Variants in LNPEP observed in about 807,000 individuals in gnomAD.
The protein encoded by LNPEP is leucyl-cystinyl aminopeptidase.
In LNPEP, 64 loss-of-function variants were observed where a neutral mutation model predicts 120.6. That is an observed-to-expected ratio of 0.53 (90% CI 0.43 to 0.65). The LOEUF is 0.65. Among genes scored for constraint, LNPEP ranks in the 30% least tolerant of loss-of-function variants. LNPEP has a pLI of 0.00. For synonymous variants in LNPEP, 435 were observed against 425.4 expected (o/e 1.02, Z -0.28); for missense variants, 1,057 against 1,200.0 (o/e 0.88, Z 1.76).
chr5:96,986,398 T>G (rs1057022189), intron 3 of LNPEP, 141 bp from the exon 4 acceptor site: 2 of 761,576 alleles, frequency 2.6e-6, no homozygotes, highest in East Asian at 5.4e-5. Context: ...CCATGCTCTT[T>G]GCAGAAATTC....
At chr5:97,008,337 G>GTTTT (rs781727347) in intron 11 of LNPEP, among the ~76,000 whole-genome samples, 40 of 59,842 alleles carry the variant, frequency 6.7e-4, no homozygotes, top group African/African-American at 9.7e-4. Flanking sequence ...GTTTTTTCTT[G>GTTTT]TTTTTTTTTT....
chr5:96,999,909 C>T (rs938337423), intron 8 of LNPEP, among the ~76,000 whole-genome samples: 1 of 151,688 alleles, frequency 6.6e-6, no homozygotes, highest in Non-Finnish European at 1.5e-5. Flanking sequence ...CAGACATATT[C>T]TGTTTGGTCT....
In LNPEP at chr5:97,029,134, TC is replaced by T. The variant is rs1791421380; in HGVS notation, c.*603del. 1 of 152,414 alleles carries T rather than the reference TC, an allele frequency of 6.6e-6. No individual in the cohort carries two copies. The highest frequency in any genetic ancestry group is 2.4e-5 in the African/African-American group (1 of 41,478). The allele number at this position is 152,414 out of a possible 1,614,324, so 9.4% of individuals were successfully genotyped here. ...AATGTCTGTAACTATTGTGTTTTTT[TC>T]CTGCCGAATAGCCAGGTGCTACAGA... On this transcript the variant is annotated 3_prime_UTR_variant, in exon 18 of 18. Transcript: ENST00000231368.
At chr5:96,943,736 C>G (rs1789116408) in intron 1 of LNPEP, among the ~76,000 whole-genome samples, 1 of 152,192 alleles carries the variant, frequency 6.6e-6, no homozygotes, top group African/African-American at 2.4e-5. Context: ...AAGGAAAATT[C>G]AAGCTTCCAA....
intron 1 of LNPEP, among the ~76,000 whole-genome samples, chr5:96,952,640 A>G (rs138151177): frequency 2.0e-5 from 3 of 152,286 alleles, no homozygotes; most frequent in Non-Finnish European, 2.9e-5. Context: ...ACCGTCATTT[A>G]TTTCAGCCCT....
intron 1 of LNPEP, among the ~76,000 whole-genome samples, chr5:96,954,145 A>G (rs1428936851): frequency 1.3e-5 from 2 of 152,248 alleles, no homozygotes; most frequent in African/African-American, 2.4e-5. Flanking sequence ...AGTTGAAGTT[A>G]TCAATAACAA....
chr5:96,949,144 G>A (rs1257202436), intron 1 of LNPEP, among the ~76,000 whole-genome samples: 2 of 152,216 alleles, frequency 1.3e-5, no homozygotes, highest in Non-Finnish European at 2.9e-5. Context: ...GGCCATTATA[G>A]GAGGATTCTT....
intron 1 of LNPEP, among the ~76,000 whole-genome samples, chr5:96,967,251 T>G (rs546327541): frequency 2.0e-5 from 3 of 152,218 alleles, no homozygotes; most frequent in African/African-American, 7.2e-5. Context: ...ATACTGCATT[T>G]ACACAGTAAA....
intron 1 of LNPEP, among the ~76,000 whole-genome samples, chr5:96,970,302 T>G (rs1418367675): frequency 6.6e-6 from 1 of 152,104 alleles, no homozygotes; most frequent in African/African-American, 2.4e-5. Flanking sequence ...TGTTCTATTC[T>G]TCATAAAAAA....
At chr5:96,981,021 T>C (rs1454397318) in intron 2 of LNPEP, among the ~76,000 whole-genome samples, 5 of 152,208 alleles carry the variant, frequency 3.3e-5, no homozygotes, top group African/African-American at 1.2e-4. Context: ...TGAACACAAA[T>C]GTATAATTGC....
At chr5:96,975,974 A>G (rs1440522174) in intron 1 of LNPEP, among the ~76,000 whole-genome samples, 1 of 152,152 alleles carries the variant, frequency 6.6e-6, no homozygotes, top group Non-Finnish European at 1.5e-5. Flanking sequence ...GCTTTGACTT[A>G]TAGATAGCTT....
rs1165345350 is a variant in LNPEP at position 97,030,411 on chromosome 5, G to A, written c.*1878G>A. 1 of 152,064 alleles carries A rather than the reference G, an allele frequency of 6.6e-6. No individual in the cohort carries two copies. The highest frequency in any genetic ancestry group is 2.4e-5 in the African/African-American group (1 of 41,418). The allele number at this position is 152,064 out of a possible 1,614,324, so 9.4% of individuals were successfully genotyped here. A position where few individuals can be genotyped will look rare whatever the true frequency, so the allele number is the denominator to read the frequency against. ...TGAGGGAAAAATACTAAACTTTTGA[G>A]AGTTTTGTTGTCGTTGCTGGTTTTT... is the stretch of plus-strand genomic sequence containing the variant. On this transcript the variant is annotated 3_prime_UTR_variant, in exon 18 of 18. Transcript: ENST00000231368.
At chr5:97,018,154 A>G (rs74930833) in intron 13 of LNPEP, among the ~76,000 whole-genome samples, 4,062 of 152,280 alleles carry the variant, frequency 0.027, 66 homozygotes, top group Non-Finnish European at 0.038. Context: ...TAGTACAGGT[A>G]GCAATAAATA....
chr5:96,993,666 G>A (rs1790445106), intron 5 of LNPEP, 151 bp from the exon 6 acceptor site: 7 of 730,168 alleles, frequency 9.6e-6, no homozygotes, highest in Non-Finnish European at 1.6e-5. Context: ...TGGGTAGAGA[G>A]CATACAGAGC....
chr5:96,965,091 ATTC>A (rs1393849292), intron 1 of LNPEP, among the ~76,000 whole-genome samples: 1 of 152,160 alleles, frequency 6.6e-6, no homozygotes, highest in Non-Finnish European at 1.5e-5. Context: ...GAACATTCCA[ATTC>A]TTCTATCTAT....
intron 8 of LNPEP, among the ~76,000 whole-genome samples, chr5:96,999,112 A>T (rs1019910465): frequency 6.6e-6 from 1 of 152,152 alleles, no homozygotes. Context: ...ATAAGGAATT[A>T]TTTTTTTCCT....
intron 1 of LNPEP, 41 bp from the exon 2 acceptor site, chr5:96,979,097 T>G: frequency 1.3e-6 from 2 of 1,528,656 alleles, no homozygotes; most frequent in African/African-American, 2.8e-5. Context: ...AGCTTTTTTT[T>G]TTCTAACTCT....
At chr5:96,992,796 G>A (rs1356869075) in intron 4 of LNPEP, among the ~76,000 whole-genome samples, 2 of 151,276 alleles carry the variant, frequency 1.3e-5, no homozygotes, top group African/African-American at 4.9e-5. Context: ...GGGGTGGGGC[G>A]GGGTTGGAAT....
chr5:96,945,486 T>C (rs1392896872), intron 1 of LNPEP, among the ~76,000 whole-genome samples: 2 of 152,120 alleles, frequency 1.3e-5, no homozygotes, highest in Non-Finnish European at 2.9e-5. Flanking sequence ...GCAGGGCCAT[T>C]TCAAAATAGG....
Sources: allele counts gnomAD v4.1 joint callset (sites outside exome capture counted in the v4.1 genomes callset), GRCh38; gene constraint gnomAD v4.1.1; transcripts MANE v1.5; gene names NCBI Gene and HGNC (gene_info 2026-07-23, HGNC 2026-07-21).